The following ZC3H18 variants were observed in gnomAD, a reference collection of about 807,000 sequenced individuals.
ZC3H18 encodes zinc finger CCCH domain-containing protein 18.
In ZC3H18, 8 loss-of-function variants were observed where a neutral mutation model predicts 106.1. The observed-to-expected ratio is 0.08, with a 90% CI of 0.04 to 0.14. The LOEUF (loss-of-function observed/expected upper bound fraction) is 0.14, where lower values mean the gene tolerates loss of function less well. Among genes scored for constraint, ZC3H18 ranks in the 10% least tolerant of loss-of-function variants. The pLI is 1.00. For missense variants in ZC3H18, 1,318 were observed against 1,278.4 expected, an observed-to-expected ratio of 1.03 and a Z score of -0.47; for synonymous variants, 635 against 522.1, an observed-to-expected ratio of 1.22 and a Z score of -2.95.
At chr16:88,610,998 A>C (rs1905241905) in intron 7 of ZC3H18, among the ~76,000 whole-genome samples, 2 of 152,194 alleles carry the variant, frequency 1.3e-5, no homozygotes, top group Non-Finnish European at 2.9e-5. Flanking sequence ...GGTTTTTAAC[A>C]TTGTGTTTTA....
chr16:88,625,283 C>T lies in ZC3H18; in HGVS notation c.2108+16C>T, dbSNP rs1906233652. On this transcript the variant is annotated intron_variant, in intron 13 of 17. Coordinates refer to ENST00000301011, the MANE Select transcript of ZC3H18 (RefSeq NM_144604.4). The stretch of plus-strand genomic sequence containing the variant: ...CCCGATCCAGGTCATCCCCATCACC[C>T]TGTGCCTCTGTTTCTCCCTCCCCGT... 1.3e-6 allele frequency: 2 copies of T among 1,576,344 alleles called. No individual in the cohort carries two copies. Among genetic ancestry groups the T allele is most frequent in the Non-Finnish European group, 1.7e-6 (2 of 1,160,974 alleles).
chr16:88,586,904 T>C, intron 3 of ZC3H18, among the ~76,000 whole-genome samples: 1 of 152,170 alleles, frequency 6.6e-6, no homozygotes, highest in East Asian at 1.9e-4. Context: ...ACTGCCTTGG[T>C]GGGAGCAGCC....
rs1005035502 is a variant in ZC3H18, at chr16:88,570,460, C to T, written c.-121C>T. The T allele has an allele frequency of 1.3e-5, 2 of 151,884 alleles. No homozygotes were observed. Among genetic ancestry groups the T allele is most frequent in the African/African-American group, 4.8e-5 (2 of 41,360 alleles). The allele number at this position is 151,884 out of a possible 1,614,324, so 9.4% of individuals were successfully genotyped here. On this transcript the variant is annotated 5_prime_UTR_variant, in exon 1 of 18. Coordinates refer to ENST00000301011, the MANE Select transcript of ZC3H18 (RefSeq NM_144604.4). The stretch of plus-strand genomic sequence containing the variant: ...TGGAGCCCGTTTGTTCCGCCCGTGT[C>T]GAGCCTGGAGCCAGAACCTGTGAAG...
At chr16:88,628,509 G>A (rs1906457987) in intron 15 of ZC3H18, 3 of 556,006 alleles carry the variant, frequency 5.4e-6, no homozygotes, top group African/African-American at 1.9e-5. Flanking sequence ...CTCCTAGAGT[G>A]GCCCCCGTGG....
At chr16:88,609,864 G>C (rs1905191578) in intron 7 of ZC3H18, among the ~76,000 whole-genome samples, 1 of 152,160 alleles carries the variant, frequency 6.6e-6, no homozygotes, top group Non-Finnish European at 1.5e-5. Context: ...GCCTCCCAAA[G>C]TGCTGGGATT....
chr16:88,576,964 C>T, intron 1 of ZC3H18, 146 bp from the exon 2 acceptor site: 1 of 749,244 alleles, frequency 1.3e-6, no homozygotes, highest in Non-Finnish European at 2.0e-6. Context: ...GCCTGTCTTT[C>T]TCTGCAGAGT....
At chr16:88,617,872 C>T (rs1905721630) in intron 8 of ZC3H18, among the ~76,000 whole-genome samples, 1 of 152,254 alleles carries the variant, frequency 6.6e-6, no homozygotes, top group Admixed American at 6.5e-5. Context: ...TGAGCCCTCT[C>T]ATCTGCCAGT....
At chr16:88,604,517 T>C (rs1051416110) in intron 6 of ZC3H18, among the ~76,000 whole-genome samples, 1 of 151,856 alleles carries the variant, frequency 6.6e-6, no homozygotes, top group Non-Finnish European at 1.5e-5. Context: ...AAACCCCATC[T>C]CTACTAAAAA....
chr16:88,572,521 G>C (rs138253791), intron 1 of ZC3H18, among the ~76,000 whole-genome samples: 2 of 152,012 alleles, frequency 1.3e-5, no homozygotes, highest in African/African-American at 2.4e-5. Flanking sequence ...CAACGGAGAC[G>C]GGACGATGGG....
chr16:88,571,375 A>G (rs11076677), intron 1 of ZC3H18, among the ~76,000 whole-genome samples: 20,665 of 152,192 alleles, frequency 0.14, 1,448 homozygotes, highest in East Asian at 0.24. Flanking sequence ...GGGTGTAGCA[A>G]GGTGCTCATC....
At chr16:88,587,592 C>G in intron 3 of ZC3H18, 1 of 1,536,038 alleles carries the variant, frequency 6.5e-7, no homozygotes, top group Admixed American at 2.0e-5. Context: ...CAATTCCATA[C>G]CATTCAGAGG....
At position 88,623,959 on chromosome 16, in the gene ZC3H18, T is replaced by A; in HGVS notation, c.1795T>A (p.Ser599Thr). 6.2e-7 allele frequency: 1 copy of A among 1,611,000 alleles called. No homozygotes were observed. The highest frequency in any genetic ancestry group is 1.3e-5 in the African/African-American group (1 of 74,922). The change falls in exon 11 of 18, where the codon TCC (serine) becomes ACC (threonine). Residue 599 changes from serine (S) to threonine (T), a missense_variant and splice_region_variant. This residue lies in a region of ZC3H18 where 848 missense variants were observed against 821.7 expected (regional missense o/e 1.03). Coordinates refer to ENST00000301011, the MANE Select transcript of ZC3H18 (RefSeq NM_144604.4). ...CGACACCTTTGTTCACTCCCCTAGG[T>A]CCCGGTCCTTCTCTTCGTCCCCGTC... ...HSSFSGSRSR[S>T]RSFSSSPSPS...
At chr16:88,589,563 C>G (rs965679878) in intron 3 of ZC3H18, among the ~76,000 whole-genome samples, 2 of 152,204 alleles carry the variant, frequency 1.3e-5, no homozygotes, top group African/African-American at 4.8e-5. Context: ...CAGAAGGCCA[C>G]AGGTCCACAG....
chr16:88,631,404 GT>G lies in ZC3H18; in HGVS notation c.*106del. 7.1e-7 allele frequency: 1 copy of G among 1,401,400 alleles called. No homozygotes were observed. The highest frequency in any genetic ancestry group is 9.5e-7 in the Non-Finnish European group (1 of 1,050,244). The allele number at this position is 1,401,400 out of a possible 1,614,324, so 86.8% of individuals were successfully genotyped here. ...TTTTGGCTGTGATTCTTTTTAAAAA[GT>G]AAAAAAGAAAAAAAAGTTTCTCAGC... On this transcript the variant is annotated 3_prime_UTR_variant, in exon 18 of 18. Transcript: ENST00000301011.
At position 88,597,403 on chromosome 16, in the gene ZC3H18, C is replaced by G. The variant is rs9932330; in HGVS notation, c.689-775C>G. Among the ~76,000 whole-genome samples, 350 of 152,146 alleles carry G rather than the reference C, an allele frequency of 2.3e-3. 4 individuals carry two copies. Among genetic ancestry groups the G allele is most frequent in the Middle Eastern group, 0.01 (3 of 294 alleles). Reference sequence around the variant, plus strand: ...GATTTAAAATCTAACTGCATGTTAACCCATTGAAAAAAATTTTTAAACCGC... The same window carrying G: ...GATTTAAAATCTAACTGCATGTTAAGCCATTGAAAAAAATTTTTAAACCGC... On this transcript the variant is annotated intron_variant, in intron 3 of 17. Transcript: ENST00000301011.
intron 3 of ZC3H18, among the ~76,000 whole-genome samples, chr16:88,597,563 G>C (rs541842761): frequency 1.6e-4 from 25 of 152,312 alleles, no homozygotes; most frequent in Non-Finnish European, 3.5e-4. Flanking sequence ...ACACTTGAAA[G>C]TCGAGGTCTC....
intron 10 of ZC3H18, chr16:88,623,647 G>C: frequency 3.6e-6 from 2 of 555,652 alleles, no homozygotes; most frequent in Non-Finnish European, 6.3e-6. Flanking sequence ...TGTCCTGTGG[G>C]TGTTTCTATG....
intron 3 of ZC3H18, among the ~76,000 whole-genome samples, chr16:88,593,057 C>G (rs1174717829): frequency 1.3e-5 from 2 of 152,184 alleles, no homozygotes; most frequent in African/African-American, 4.8e-5. Context: ...AATAGCCAAT[C>G]ATAAAATAGA....
At chr16:88,594,892 C>A (rs894920725) in intron 3 of ZC3H18, among the ~76,000 whole-genome samples, 1 of 152,192 alleles carries the variant, frequency 6.6e-6, no homozygotes, top group Non-Finnish European at 1.5e-5. Flanking sequence ...TGGTTCATGC[C>A]TGTAATCCCA....
Sources: gnomAD v4.1 joint callset for allele counts (sites outside exome capture counted in the v4.1 genomes callset) on GRCh38, gnomAD v4.1.1 for gene constraint, gnomAD v4.1.1 regional missense constraint, MANE v1.5 for transcripts, NCBI Gene and HGNC (gene_info 2026-07-23, HGNC 2026-07-21) for gene names.